The following ADGRL2 variants were observed in gnomAD, a reference collection of about 807,000 sequenced individuals.
The protein encoded by ADGRL2 is calcium-independent alpha-latrotoxin receptor 2.
A neutral mutation model predicts 157.4 loss-of-function variants in ADGRL2; 44 were observed. That is an observed-to-expected ratio of 0.28 (90% confidence interval 0.22 to 0.36). ADGRL2 has a LOEUF of 0.36. Among genes scored for constraint, ADGRL2 ranks in the 10% least tolerant of loss-of-function variants. The pLI is 1.00. For missense variants in ADGRL2, 1,510 were observed against 1,768.9 expected (o/e 0.85, Z 2.63); for synonymous variants, 585 against 624.7 (o/e 0.94, Z 0.95).
intron 2 of ADGRL2, among the ~76,000 whole-genome samples, chr1:81,857,655 T>C (rs2093248528): frequency 6.6e-6 from 1 of 152,196 alleles, no homozygotes; most frequent in Non-Finnish European, 1.5e-5. Flanking sequence ...AGCTTCTGAA[T>C]AGAAAGGATT....
intron 2 of ADGRL2, chr1:81,557,527 G>GAAA (rs1557459393): frequency 4.9e-5 from 5 of 102,146 alleles, no homozygotes; most frequent in Non-Finnish European, 9.1e-5. Context: ...GAAAGAAAGA[G>GAAA]AAGAAAGAAA....
Position 81,477,575 on chromosome 1 carries a change from A to G in ADGRL2, c.-248+32486A>G, listed in dbSNP as rs2078298394. ...GATAATGAGAAAATGTAGACTACACAGACTCCTAAAGTTCACAATATGCCC... is the reference window on the plus strand; with the variant it reads ...GATAATGAGAAAATGTAGACTACACGGACTCCTAAAGTTCACAATATGCCC... On this transcript the variant is annotated intron_variant, in intron 2 of 24. Coordinates refer to the ADGRL2 transcript ENST00000370721. Among the ~76,000 whole-genome samples, 3 of 152,200 alleles carry G rather than the reference A, an allele frequency of 2.0e-5. No individual in the cohort carries two copies. The South Asian group carries it at 6.2e-4, about 32-fold the overall frequency.
intron 2 of ADGRL2, among the ~76,000 whole-genome samples, chr1:81,548,465 A>T (rs576355030): frequency 4.6e-5 from 7 of 151,916 alleles, no homozygotes; most frequent in African/African-American, 7.3e-5. Flanking sequence ...AGCAAGTAGA[A>T]TAGTGAGTTA....
At chr1:81,641,515 A>G (rs1489756382) in intron 3 of ADGRL2, among the ~76,000 whole-genome samples, 2 of 152,232 alleles carry the variant, frequency 1.3e-5, no homozygotes, top group Non-Finnish European at 2.9e-5. Context: ...AAAATCGACA[A>G]CAGAAAAATA....
intron 2 of ADGRL2, among the ~76,000 whole-genome samples, chr1:81,879,019 C>T (rs115898915): frequency 1.9e-3 from 287 of 152,196 alleles, no homozygotes; most frequent in African/African-American, 6.7e-3. Context: ...ATATGTTAGC[C>T]TAGCAAACAA....
chr1:81,918,130 T>G (rs2094900602), intron 3 of ADGRL2, among the ~76,000 whole-genome samples: 1 of 152,084 alleles, frequency 6.6e-6, no homozygotes, highest in Non-Finnish European at 1.5e-5. Context: ...TTTAGTGGAG[T>G]TATTTTTACG....
chr1:81,664,896 A>G (rs1570773372), intron 3 of ADGRL2, among the ~76,000 whole-genome samples: 1 of 152,226 alleles, frequency 6.6e-6, no homozygotes, highest in Non-Finnish European at 1.5e-5. Context: ...GGTCATATTC[A>G]TTTATTTTAT....
At chr1:81,560,094 G>T in intron 2 of ADGRL2, among the ~76,000 whole-genome samples, 1 of 152,128 alleles carries the variant, frequency 6.6e-6, no homozygotes, top group East Asian at 1.9e-4. Context: ...GCTTGCAGCT[G>T]CCCTGTCTTC....
chr1:81,903,812 TACAC>T (rs66880348), intron 2 of ADGRL2, among the ~76,000 whole-genome samples: 23,868 of 120,360 alleles, frequency 0.2, 2,476 homozygotes, highest in Middle Eastern at 0.34. Context: ...ACATTTTATA[TACAC>T]ACACACACAC....
At chr1:81,328,379 A>G (rs1309081912) in intron 1 of ADGRL2, among the ~76,000 whole-genome samples, 2 of 152,102 alleles carry the variant, frequency 1.3e-5, no homozygotes, top group African/African-American at 4.8e-5. Flanking sequence ...GGAAACATCG[A>G]ATTGTGCTAC....
intron 1 of ADGRL2, among the ~76,000 whole-genome samples, chr1:81,344,816 C>A (rs1001797857): frequency 3.9e-5 from 6 of 152,046 alleles, no homozygotes; most frequent in Non-Finnish European, 8.8e-5. Flanking sequence ...GCAGCTCATG[C>A]TATTGATCAA....
intron 3 of ADGRL2, among the ~76,000 whole-genome samples, chr1:81,661,794 C>T (rs144505081): frequency 2.2e-4 from 34 of 152,218 alleles, no homozygotes; most frequent in African/African-American, 6.0e-4. Flanking sequence ...CATAGGGTCA[C>T]CATATGATTA....
At chr1:81,872,647 C>G (rs1435455810) in intron 2 of ADGRL2, among the ~76,000 whole-genome samples, 1 of 151,942 alleles carries the variant, frequency 6.6e-6, no homozygotes, top group Admixed American at 6.6e-5. Context: ...ACATGTCAGA[C>G]TAAGTAGAAG....
intron 2 of ADGRL2, among the ~76,000 whole-genome samples, chr1:81,885,495 G>T (rs1021465618): frequency 1.3e-5 from 2 of 152,080 alleles, no homozygotes; most frequent in Non-Finnish European, 2.9e-5. Flanking sequence ...ATATACTACT[G>T]CTTACTTAGT....
At chr1:81,503,832 T>C (rs2078909435) in intron 2 of ADGRL2, among the ~76,000 whole-genome samples, 3 of 152,098 alleles carry the variant, frequency 2.0e-5, no homozygotes, top group Admixed American at 2.0e-4. Context: ...TCCCTCCCCT[T>C]TTAATTTATT....
At chr1:81,553,654 A>T (rs1254224390) in intron 2 of ADGRL2, among the ~76,000 whole-genome samples, 1 of 152,246 alleles carries the variant, frequency 6.6e-6, no homozygotes, top group Admixed American at 6.5e-5. Flanking sequence ...AGCCAAAAAA[A>T]GACCATAATG....
At chr1:81,610,907 G>A (rs1450512276) in intron 3 of ADGRL2, among the ~76,000 whole-genome samples, 1 of 152,082 alleles carries the variant, frequency 6.6e-6, no homozygotes, top group Non-Finnish European at 1.5e-5. Context: ...GAGGATTGAG[G>A]GAAATACATA....
intron 17 of ADGRL2, among the ~76,000 whole-genome samples, chr1:81,978,138 T>C (rs1660700334): frequency 6.6e-6 from 1 of 151,594 alleles, no homozygotes; most frequent in Non-Finnish European, 1.5e-5. Context: ...CACTTTACCA[T>C]GATTCTTTAA....
intron 1 of ADGRL2, among the ~76,000 whole-genome samples, chr1:81,370,568 C>A (rs539647845): frequency 6.6e-6 from 1 of 152,212 alleles, no homozygotes; most frequent in African/African-American, 2.4e-5. Context: ...TAAATATAGG[C>A]ATCCTAAAAA....
Sources: gnomAD v4.1 joint callset for allele counts (sites outside exome capture counted in the v4.1 genomes callset) on GRCh38, gnomAD v4.1.1 for gene constraint, MANE v1.5 for transcripts, NCBI Gene and HGNC (gene_info 2026-07-23, HGNC 2026-07-21) for gene names.